The following AKAP6 variants were observed in gnomAD, a reference collection of about 807,000 sequenced individuals.
AKAP6 encodes the protein A-kinase anchor protein 6.
AKAP6 carries 58 observed loss-of-function variants against 188.5 expected under a neutral mutation model. That is an observed-to-expected ratio of 0.31 (90% CI 0.25 to 0.38). The LOEUF is 0.38. AKAP6 is among the 10% of genes least tolerant of loss of function. The pLI is 1.00. For missense variants in AKAP6, 2,710 were observed against 2,740.0 expected, an observed-to-expected ratio of 0.99 and a Z score of 0.24; for synonymous variants, 989 against 998.6, an observed-to-expected ratio of 0.99 and a Z score of 0.18.
At chr14:32,764,718 GCA>G (rs1014313374) in intron 11 of AKAP6, among the ~76,000 whole-genome samples, 3 of 104,158 alleles carry the variant, frequency 2.9e-5, no homozygotes, top group Non-Finnish European at 6.3e-5. Flanking sequence ...ACACACACAC[GCA>G]CACACACATA....
At position 32,683,019 on chromosome 14, in the gene AKAP6, A is replaced by T. The variant is rs68027797; in HGVS notation, c.2879+4560A>T. 1.1e-4 allele frequency among the ~76,000 whole-genome samples: 16 copies of T among 149,038 alleles called. No individual in the cohort carries two copies. In the East Asian group the frequency reaches 3.0e-3, roughly 28 times the overall value. On this transcript the variant is annotated intron_variant, in intron 8 of 13. Transcript: ENST00000280979. ...CCTTTTTTTTTTGTTTTTGAGACAA[A>T]GCCTTGCTCTGTCGCCCAGGCTGGA... is the stretch of plus-strand genomic sequence containing the variant.
chr14:32,364,480 G>A, intron 1 of AKAP6, among the ~76,000 whole-genome samples: 1 of 152,114 alleles, frequency 6.6e-6, no homozygotes, highest in East Asian at 1.9e-4. Flanking sequence ...TTTGTTGAAA[G>A]GGGGGTAGTG....
chr14:32,680,908 G>A (rs1384734787), intron 8 of AKAP6, among the ~76,000 whole-genome samples: 1 of 152,220 alleles, frequency 6.6e-6, no homozygotes, highest in East Asian at 1.9e-4. Context: ...ATGTGAGGCT[G>A]TATGAGTTCT....
chr14:32,761,068 C>G (rs2032520836), intron 11 of AKAP6, among the ~76,000 whole-genome samples: 1 of 152,160 alleles, frequency 6.6e-6, no homozygotes, highest in African/African-American at 2.4e-5. Flanking sequence ...GGTCCGAACT[C>G]ATAGGAAAAT....
intron 2 of AKAP6, among the ~76,000 whole-genome samples, chr14:32,507,079 G>T (rs1048488121): frequency 4.6e-5 from 7 of 152,112 alleles, no homozygotes; most frequent in Non-Finnish European, 8.8e-5. Flanking sequence ...TGGCAAGATT[G>T]AGTAAAATTT....
intron 9 of AKAP6, among the ~76,000 whole-genome samples, chr14:32,725,004 A>AAAAAAAAAAAAAC (rs2030782313): frequency 1.3e-5 from 2 of 149,186 alleles, no homozygotes; most frequent in African/African-American, 4.9e-5. Context: ...AAAAAAAAAA[A>AAAAAAAAAAAAAC]AAAAAAAAAA....
At chr14:32,694,710 C>T (rs958599035) in intron 8 of AKAP6, among the ~76,000 whole-genome samples, 1 of 152,038 alleles carries the variant, frequency 6.6e-6, no homozygotes, top group Non-Finnish European at 1.5e-5. Context: ...AATAGGCAAT[C>T]CTAGATCTAT....
chr14:32,598,873 G>A (rs989768783), intron 5 of AKAP6, among the ~76,000 whole-genome samples: 6 of 152,076 alleles, frequency 3.9e-5, no homozygotes, highest in African/African-American at 1.4e-4. Flanking sequence ...CTTTTAAAAA[G>A]CAAAGATCTG....
intron 1 of AKAP6, among the ~76,000 whole-genome samples, chr14:32,362,280 A>G (rs1033815266): frequency 1.3e-5 from 2 of 152,248 alleles, no homozygotes. Context: ...TCAGTACTAC[A>G]TGACTTGTGT....
Position 32,637,114 on chromosome 14 carries a change from C to T in AKAP6, c.2730+36322C>T, listed in dbSNP as rs993687310. On this transcript the variant is annotated intron_variant, in intron 7 of 13. Transcript: ENST00000280979. ...CTGTAAAATGGGAATACTATTCCTA[C>T]TGTGTACTCCATAGGTTGTGTTGGA... Among the ~76,000 whole-genome samples the T allele has an allele frequency of 2.0e-5, 3 of 152,222 alleles. No homozygotes were observed. In the South Asian group the frequency reaches 6.2e-4, roughly 32 times the overall value.
At chr14:32,784,300 A>T (rs60112952) in intron 12 of AKAP6, among the ~76,000 whole-genome samples, 7,714 of 152,232 alleles carry the variant, frequency 0.051, 367 homozygotes, top group East Asian at 0.27. Context: ...GAAACTCATG[A>T]CATTTATGGA....
intron 11 of AKAP6, among the ~76,000 whole-genome samples, chr14:32,747,379 T>G (rs577827711): frequency 6.6e-6 from 1 of 152,304 alleles, no homozygotes; most frequent in East Asian, 1.9e-4. Context: ...AATAAAGAAT[T>G]ACAGTAACTC....
intron 5 of AKAP6, among the ~76,000 whole-genome samples, chr14:32,584,533 C>G (rs1357748991): frequency 6.6e-6 from 1 of 152,140 alleles, no homozygotes; most frequent in Non-Finnish European, 1.5e-5. Context: ...TTTTGACAAT[C>G]TGACAAATAT....
intron 2 of AKAP6, among the ~76,000 whole-genome samples, chr14:32,498,452 A>G (rs1349938289): frequency 1.3e-5 from 2 of 152,180 alleles, no homozygotes; most frequent in African/African-American, 2.4e-5. Flanking sequence ...AAATATATCA[A>G]TATGTATATC....
intron 1 of AKAP6, among the ~76,000 whole-genome samples, chr14:32,350,807 G>A (rs1336721820): frequency 6.6e-6 from 1 of 152,020 alleles, no homozygotes; most frequent in Non-Finnish European, 1.5e-5. Flanking sequence ...AGATTTAACA[G>A]GGTAATACAG....
At chr14:32,619,024 G>A (rs968161595) in intron 7 of AKAP6, among the ~76,000 whole-genome samples, 2 of 151,536 alleles carry the variant, frequency 1.3e-5, no homozygotes, top group Admixed American at 6.6e-5. Flanking sequence ...CTTTTTAATG[G>A]GATTATTTGT....
chr14:32,645,984 A>G (rs1887970568), intron 7 of AKAP6, among the ~76,000 whole-genome samples: 1 of 152,148 alleles, frequency 6.6e-6, no homozygotes, highest in Admixed American at 6.6e-5. Flanking sequence ...AAGGGCTACC[A>G]TGATGGCATT....
At chr14:32,631,318 G>A (rs1887264039) in intron 7 of AKAP6, among the ~76,000 whole-genome samples, 1 of 151,988 alleles carries the variant, frequency 6.6e-6, no homozygotes, top group East Asian at 1.9e-4. Flanking sequence ...ACAAACTCAT[G>A]ATGTTATAAT....
At position 32,837,139 on chromosome 14, in the gene AKAP6, T is replaced by C. The variant is rs2034883262; in HGVS notation, c.*7334T>C. On this transcript the variant is annotated 3_prime_UTR_variant, in exon 14 of 14. Coordinates refer to ENST00000280979, the MANE Select transcript of AKAP6 (RefSeq NM_004274.5). ...CTCTTTCTCCCTTCTTTATTCATTT[T>C]ATATGGGGACGTTTGACTAGGATCA... The C allele has an allele frequency of 6.6e-6, 1 of 152,226 alleles. No individual in the cohort carries two copies. The highest frequency in any genetic ancestry group is 2.4e-5 in the African/African-American group (1 of 41,452). 9.4% of individuals were successfully genotyped at this position (152,226 alleles called of 1,614,324 possible). A position where few individuals can be genotyped will look rare whatever the true frequency, so the allele number is the denominator to read the frequency against.
Sources: allele counts gnomAD v4.1 joint callset (sites outside exome capture counted in the v4.1 genomes callset), GRCh38; gene constraint gnomAD v4.1.1; transcripts MANE v1.5; gene names NCBI Gene and HGNC (gene_info 2026-07-23, HGNC 2026-07-21).